LARP7: variants seen among roughly 807,000 people sequenced by gnomAD.
LARP7 encodes the protein La ribonucleoprotein 7, transcriptional regulator.
Under a neutral mutation model 69.3 loss-of-function variants are expected in LARP7, and 52 were observed. The ratio of observed to expected loss-of-function variants is 0.75; its 90% confidence interval spans 0.60 to 0.95. The LOEUF (loss-of-function observed/expected upper bound fraction) is 0.95. Among genes scored for constraint, LARP7 ranks in the 40% least tolerant of loss-of-function variants. LARP7 has a pLI of 0.00. For missense variants in LARP7, 733 were observed against 673.0 expected, an observed-to-expected ratio of 1.09 and a Z score of -0.99; for synonymous variants, 254 against 215.9, an observed-to-expected ratio of 1.18 and a Z score of -1.55.
chr4:112,650,678 G>A (rs923664420), intron 10 of LARP7, 96 bp downstream of exon 10: 1 of 1,297,720 alleles, frequency 7.7e-7, no homozygotes, highest in Non-Finnish European at 1.0e-6. Context: ...AACAAATCAA[G>A]TTAGAATTTG....
At chr4:112,656,427 A>G (rs140370284) in intron 12 of LARP7, among the ~76,000 whole-genome samples, 26 of 152,248 alleles carry the variant, frequency 1.7e-4, no homozygotes, top group African/African-American at 5.3e-4. Context: ...AATATATTAA[A>G]CACAAGTAAA....
chr4:112,641,101 T>C (rs2047941935), intron 1 of LARP7, among the ~76,000 whole-genome samples: 1 of 152,016 alleles, frequency 6.6e-6, no homozygotes, highest in Non-Finnish European at 1.5e-5. Context: ...TTATTTTGAG[T>C]GTGATAAGAA....
chr4:112,639,522 G>GC (rs2047874718), intron 1 of LARP7, among the ~76,000 whole-genome samples: 2 of 151,832 alleles, frequency 1.3e-5, no homozygotes, highest in South Asian at 2.1e-4. Context: ...GAGCCACCGC[G>GC]CCTGGCCAAG....
At position 112,653,256 on chromosome 4, in the gene LARP7, T is replaced by TC; in HGVS notation, c.1576+22dup. 6.4e-7 allele frequency: 1 copy of TC among 1,555,042 alleles called. No individual in the cohort carries two copies. Among genetic ancestry groups the TC allele is most frequent in the Non-Finnish European group, 8.6e-7 (1 of 1,157,338 alleles). On this transcript the variant is annotated intron_variant, in intron 11 of 12. Transcript: ENST00000344442. ...TTTCTGGTAAAACTTCATAGACGTT[T>TC]CCTTTTTTTTTTGTTATCATCCTTA...
chr4:112,653,345 T>C (rs1170311022), intron 11 of LARP7, 109 bp downstream of exon 11: 1 of 835,960 alleles, frequency 1.2e-6, no homozygotes, highest in African/African-American at 1.8e-5. Flanking sequence ...GGTCTTGCTC[T>C]GTCGCTCAGG....
chr4:112,650,788 T>A (rs942642085), intron 10 of LARP7, among the ~76,000 whole-genome samples: 16 of 152,196 alleles, frequency 1.1e-4, no homozygotes, highest in African/African-American at 3.6e-4. Context: ...ACTAAATCTA[T>A]ATGTAAGCAC....
At chr4:112,644,524 AAATG>A (rs1444969288) in intron 1 of LARP7, 140 bp from the exon 2 acceptor site, 1 of 1,057,038 alleles carries the variant, frequency 9.5e-7, no homozygotes, top group African/African-American at 1.7e-5. Context: ...TTAAATATAA[AAATG>A]AATGTTCTTT....
Position 112,646,690 on chromosome 4 carries a change from G to A in LARP7, c.387+19G>A. The A allele has an allele frequency of 6.3e-7, 1 of 1,576,258 alleles. No homozygotes were observed. Among genetic ancestry groups the A allele is most frequent in the Non-Finnish European group, 8.6e-7 (1 of 1,162,404 alleles). ...GTATGTGGTAAGCTTAAGAACCCGG[G>A]TCCCCAGTCAGAAACTGGCACAGAA... is the stretch of plus-strand genomic sequence containing the variant. On this transcript the variant is annotated intron_variant, in intron 4 of 12. Transcript: ENST00000344442.
At chr4:112,656,274 T>C (rs1012577522) in intron 12 of LARP7, among the ~76,000 whole-genome samples, 3 of 151,960 alleles carry the variant, frequency 2.0e-5, no homozygotes, top group Non-Finnish European at 4.4e-5. Context: ...GGCACGCACA[T>C]GTAATCCCAG....
At chr4:112,654,500 A>G (rs1310731302) in intron 12 of LARP7, 1 of 183,600 alleles carries the variant, frequency 5.4e-6, no homozygotes, top group Non-Finnish European at 1.2e-5. Flanking sequence ...AACACAATGT[A>G]TTCAGAATGT....
intron 9 of LARP7, 88 bp downstream of exon 9, chr4:112,649,774 T>C (rs1029504259): frequency 7.1e-6 from 6 of 841,936 alleles, no homozygotes; most frequent in South Asian, 3.2e-5. Context: ...AAATTTTAAT[T>C]TTAAAAAACT....
At chr4:112,644,623 A>G (rs769097811) in intron 1 of LARP7, 45 bp from the exon 2 acceptor site, 5 of 1,396,260 alleles carry the variant, frequency 3.6e-6, no homozygotes, top group South Asian at 1.3e-5. Context: ...TATATTAGCT[A>G]TTGTGGTGAT....
chr4:112,645,796 CATTGAGCCACCATCCCCAGTTGCTAAAT>C, intron 2 of LARP7: 1 of 345,732 alleles, frequency 2.9e-6, no homozygotes, highest in Non-Finnish European at 5.7e-6. Context: ...AGATAAGAAG[CATTGAGCCACCATCCCCAGTTGCTAAAT>C]TTCAAATAGC....
chr4:112,637,934 G>A (rs1381376307), intron 1 of LARP7: 1 of 152,208 alleles, frequency 6.6e-6, no homozygotes, highest in Non-Finnish European at 1.5e-5. Flanking sequence ...AACCTGTTGT[G>A]GCACACTTCT....
chr4:112,656,228 A>T (rs1312874699), intron 12 of LARP7, among the ~76,000 whole-genome samples: 11 of 152,052 alleles, frequency 7.2e-5, no homozygotes, highest in Non-Finnish European at 2.9e-5. Context: ...AACATATTGA[A>T]ACCCTGTCTA....
intron 1 of LARP7, among the ~76,000 whole-genome samples, chr4:112,640,850 T>G (rs925331928): frequency 6.6e-6 from 1 of 151,848 alleles, no homozygotes; most frequent in Non-Finnish European, 1.5e-5. Context: ...CTCTAAGAAG[T>G]GACATTTGCA....
intron 2 of LARP7, 74 bp downstream of exon 2, chr4:112,644,945 C>CTTTTTTTTTTTTTTT (rs58234206): frequency 3.1e-5 from 5 of 159,990 alleles, no homozygotes; most frequent in Non-Finnish European, 4.9e-5. Flanking sequence ...ATAATATATT[C>CTTTTTTTTTTTTTTT]TTTTTTTTTT....
At chr4:112,645,934 A>G (rs1230779172) in intron 2 of LARP7, among the ~76,000 whole-genome samples, 1 of 152,160 alleles carries the variant, frequency 6.6e-6, no homozygotes, top group Non-Finnish European at 1.5e-5. Flanking sequence ...CTGCAGTTAC[A>G]TACACTAAAA....
intron 2 of LARP7, 126 bp from the exon 3 acceptor site, chr4:112,646,225 C>T (rs888606487): frequency 6.0e-6 from 3 of 496,030 alleles, no homozygotes; most frequent in Admixed American, 3.8e-5. Flanking sequence ...CCGCCTTGGC[C>T]TCCCAAAGTA....
Sources: gnomAD v4.1 joint callset for allele counts (sites outside exome capture counted in the v4.1 genomes callset) on GRCh38, gnomAD v4.1.1 for gene constraint, MANE v1.5 for transcripts, NCBI Gene and HGNC (gene_info 2026-07-23, HGNC 2026-07-21) for gene names.